NLGN4X: variants seen among roughly 807,000 people sequenced by gnomAD.
NLGN4X encodes neuroligin 4 X-linked.
NLGN4X carries 3 observed loss-of-function variants against 40.3 expected under a neutral mutation model. That is an observed-to-expected ratio of 0.07 (90% CI 0.03 to 0.19). The LOEUF is 0.19. NLGN4X is among the 10% of genes least tolerant of loss of function. The pLI is 1.00. For missense variants in NLGN4X, 382 were observed against 708.3 expected (o/e 0.54, Z 5.23); for synonymous variants, 270 against 306.8 (o/e 0.88, Z 1.25).
At chrX:6,035,947 G>T (rs1401031149) in intron 2 of NLGN4X, among the ~76,000 whole-genome samples, 1 of 112,115 alleles carries the variant, frequency 8.9e-6, no homozygotes, top group Non-Finnish European at 1.9e-5. Context: ...ATAATTAGCT[G>T]TTTATGTTAT....
intron 2 of NLGN4X, among the ~76,000 whole-genome samples, chrX:6,132,139 A>G (rs1253125887): frequency 1.8e-5 from 2 of 111,937 alleles, no homozygotes; most frequent in Non-Finnish European, 3.8e-5. Flanking sequence ...GAGTAAGACA[A>G]TGCTTTGACT....
intron 3 of NLGN4X, among the ~76,000 whole-genome samples, chrX:5,954,634 G>GTCTCTCTC (rs200878268): frequency 9.5e-5 from 9 of 94,900 alleles, no homozygotes; most frequent in Non-Finnish European, 1.3e-4. Flanking sequence ...CTCTGTCTCT[G>GTCTCTCTC]TCTCTCTCTC....
intron 1 of NLGN4X, among the ~76,000 whole-genome samples, chrX:6,200,396 G>A (rs771949553): frequency 1.8e-5 from 2 of 111,656 alleles, no homozygotes; most frequent in Admixed American, 9.5e-5. Context: ...TATCCACTCA[G>A]ATCACAAAAC....
At chrX:6,075,819 C>A (rs1283486423) in intron 2 of NLGN4X, among the ~76,000 whole-genome samples, 3 of 111,552 alleles carry the variant, frequency 2.7e-5, no homozygotes, top group Non-Finnish European at 3.8e-5. Flanking sequence ...ATCCTGATGC[C>A]GTGATTCATG....
chrX:6,114,559 C>A (rs1555976767), intron 2 of NLGN4X, among the ~76,000 whole-genome samples: 1 of 106,839 alleles, frequency 9.4e-6, no homozygotes, highest in Admixed American at 1.0e-4. Context: ...CACACACACA[C>A]AAACATGCAC....
chrX:5,904,925 T>C (rs747758912), intron 4 of NLGN4X, among the ~76,000 whole-genome samples: 4 of 111,349 alleles, frequency 3.6e-5, no homozygotes, highest in Non-Finnish European at 7.5e-5. Flanking sequence ...GACTGGAGGA[T>C]TGCCCAAAGA....
At chrX:6,143,302 A>C (rs1189485481) in intron 2 of NLGN4X, among the ~76,000 whole-genome samples, 1 of 112,287 alleles carries the variant, frequency 8.9e-6, no homozygotes, top group Non-Finnish European at 1.9e-5. Context: ...ACTCCAGCAA[A>C]CAAGTTTTGG....
At chrX:6,070,309 A>G (rs1422737314) in intron 2 of NLGN4X, among the ~76,000 whole-genome samples, 3 of 112,334 alleles carry the variant, frequency 2.7e-5, no homozygotes, top group Non-Finnish European at 5.6e-5. Context: ...AAAAATGCAT[A>G]TAACACTTCA....
chrX:6,104,776 A>T (rs1279536753), intron 2 of NLGN4X, among the ~76,000 whole-genome samples: 1 of 111,593 alleles, frequency 9.0e-6, no homozygotes, highest in Non-Finnish European at 1.9e-5. Context: ...CAGATGACAG[A>T]CAGATTAAGG....
intron 2 of NLGN4X, among the ~76,000 whole-genome samples, chrX:6,044,681 G>C (rs1352171808): frequency 2.7e-5 from 3 of 111,267 alleles, no homozygotes; most frequent in African/African-American, 9.8e-5. Context: ...GAAGATGTCA[G>C]TGTAAGTTCA....
At chrX:5,965,282 G>C in intron 3 of NLGN4X, among the ~76,000 whole-genome samples, 1 of 111,902 alleles carries the variant, frequency 8.9e-6, no homozygotes. Context: ...CTTATTTGGA[G>C]TTACTCTAAA....
At chrX:6,224,304 T>C (rs1364699828) in intron 1 of NLGN4X, among the ~76,000 whole-genome samples, 1 of 112,202 alleles carries the variant, frequency 8.9e-6, no homozygotes, top group Non-Finnish European at 1.9e-5. Flanking sequence ...CCTCGTGCAC[T>C]TGAATGTTTA....
intron 3 of NLGN4X, among the ~76,000 whole-genome samples, chrX:5,917,384 C>A (rs370197111): frequency 8.9e-6 from 1 of 112,594 alleles, no homozygotes; most frequent in African/African-American, 3.2e-5. Context: ...TCTCTCGGCA[C>A]AGTAAATGGC....
chrX:6,033,562 C>A (rs1325975437), intron 2 of NLGN4X, among the ~76,000 whole-genome samples: 1 of 112,033 alleles, frequency 8.9e-6, no homozygotes, highest in East Asian at 2.8e-4. Context: ...GTTTGAAGAT[C>A]ATGTCCTCTG....
At chrX:6,078,059 C>A (rs1417844269) in intron 2 of NLGN4X, among the ~76,000 whole-genome samples, 1 of 111,652 alleles carries the variant, frequency 9.0e-6, no homozygotes, top group Non-Finnish European at 1.9e-5. Flanking sequence ...ATGTTTGAGT[C>A]AGAACTTGTG....
At chrX:6,143,135 G>A (rs1204402588) in intron 2 of NLGN4X, among the ~76,000 whole-genome samples, 3 of 112,164 alleles carry the variant, frequency 2.7e-5, no homozygotes, top group Non-Finnish European at 3.8e-5. Flanking sequence ...TCAGATTACA[G>A]GGTGCTTGTA....
At chrX:6,157,441 T>C (rs5961944) in intron 1 of NLGN4X, among the ~76,000 whole-genome samples, 8,734 of 111,660 alleles carry the variant, frequency 0.078, 246 homozygotes, top group East Asian at 0.16. Flanking sequence ...TAGAGTAAAC[T>C]ATGTGGACAG....
intron 1 of NLGN4X, among the ~76,000 whole-genome samples, chrX:6,218,716 A>G (rs932230135): frequency 8.9e-6 from 1 of 112,029 alleles, no homozygotes; most frequent in African/African-American, 3.2e-5. Flanking sequence ...TTGGTAATTT[A>G]AACACTTTCA....
intron 2 of NLGN4X, among the ~76,000 whole-genome samples, chrX:6,063,724 A>G (rs1289065524): frequency 8.9e-6 from 1 of 112,526 alleles, no homozygotes; most frequent in Non-Finnish European, 1.9e-5. Flanking sequence ...ATGCTGATAC[A>G]TAAGCCATTA....
Sources: gnomAD v4.1 joint callset for allele counts (sites outside exome capture counted in the v4.1 genomes callset) on GRCh38, gnomAD v4.1.1 for gene constraint, MANE v1.5 for transcripts, NCBI Gene and HGNC (gene_info 2026-07-23, HGNC 2026-07-21) for gene names.